The following CNTN3 variants were observed in gnomAD, a reference collection of about 807,000 sequenced individuals.
CNTN3 encodes contactin 3.
A neutral mutation model predicts 119.1 loss-of-function variants in CNTN3; 60 were observed. That is an observed-to-expected ratio of 0.50 (90% CI 0.41 to 0.62). The LOEUF (loss-of-function observed/expected upper bound fraction) is 0.62. CNTN3 is among the 20% of genes least tolerant of loss of function. The pLI is 0.00. For missense variants in CNTN3, 1,101 were observed against 1,242.4 expected, an observed-to-expected ratio of 0.89 and a Z score of 1.71; for synonymous variants, 450 against 438.7, an observed-to-expected ratio of 1.03 and a Z score of -0.32.
At chr3:74,542,306 T>A (rs1203479128) in intron 1 of CNTN3, among the ~76,000 whole-genome samples, 1 of 152,106 alleles carries the variant, frequency 6.6e-6, no homozygotes, top group South Asian at 2.1e-4. Context: ...ATAAATTTCA[T>A]CCTATAGAGA....
chr3:74,502,206 T>C (rs1703178404), intron 2 of CNTN3, among the ~76,000 whole-genome samples: 1 of 152,086 alleles, frequency 6.6e-6, no homozygotes, highest in South Asian at 2.1e-4. Context: ...GGTATAAATT[T>C]GGAAATAACA....
chr3:74,543,362 G>C (rs1312150452), intron 1 of CNTN3, among the ~76,000 whole-genome samples: 1 of 152,116 alleles, frequency 6.6e-6, no homozygotes, highest in Admixed American at 6.6e-5. Context: ...GAGTGACCTG[G>C]TCAAGATAGG....
chr3:74,507,626 C>CTTTTTTTTTTTTTTTTTTTTTTT (rs59540461), intron 2 of CNTN3, among the ~76,000 whole-genome samples: 2 of 103,650 alleles, frequency 1.9e-5, no homozygotes, highest in African/African-American at 4.0e-5. Flanking sequence ...TTCTTTCTTT[C>CTTTTTTTTTTTTTTTTTTTTTTT]TTTTTTTTTT....
intron 20 of CNTN3, among the ~76,000 whole-genome samples, chr3:74,282,970 G>A (rs1330164408): frequency 6.6e-6 from 1 of 152,106 alleles, no homozygotes; most frequent in African/African-American, 2.4e-5. Flanking sequence ...ATGAACTCCA[G>A]TTGAATAATA....
At chr3:74,469,163 C>T (rs951959873) in intron 4 of CNTN3, among the ~76,000 whole-genome samples, 1 of 151,974 alleles carries the variant, frequency 6.6e-6, no homozygotes, top group Non-Finnish European at 1.5e-5. Flanking sequence ...TCCTTCTTTA[C>T]AAATAAAGAA....
chr3:74,305,837 A>G (rs530401201), intron 13 of CNTN3, among the ~76,000 whole-genome samples: 25 of 151,522 alleles, frequency 1.6e-4, no homozygotes, highest in Non-Finnish European at 3.2e-4. Flanking sequence ...TGACTTGTTC[A>G]TTTCTTGGTA....
At chr3:74,323,860 G>A (rs773164954) in intron 13 of CNTN3, among the ~76,000 whole-genome samples, 11 of 151,982 alleles carry the variant, frequency 7.2e-5, no homozygotes, top group South Asian at 2.1e-4. Flanking sequence ...CAACATCAGC[G>A]TCAGCCTCCC....
intron 1 of CNTN3, among the ~76,000 whole-genome samples, chr3:74,529,083 C>A (rs1189832312): frequency 4.6e-5 from 7 of 151,886 alleles, no homozygotes; most frequent in South Asian, 2.1e-4. Flanking sequence ...CAAAATAGTT[C>A]TTGAATGATA....
At chr3:74,446,775 C>A (rs1254747734) in intron 4 of CNTN3, among the ~76,000 whole-genome samples, 1 of 149,460 alleles carries the variant, frequency 6.7e-6, no homozygotes, top group African/African-American at 2.5e-5. Flanking sequence ...GACAGTGCTA[C>A]CCTAGAGTAT....
At chr3:74,486,702 T>G (rs1212038888) in intron 3 of CNTN3, 71 bp from the exon 4 acceptor site, 2 of 1,296,426 alleles carry the variant, frequency 1.5e-6, no homozygotes, top group African/African-American at 3.0e-5. Flanking sequence ...CATTATAAAA[T>G]CTACTTTAAA....
At chr3:74,413,769 C>G (rs1037490453) in intron 5 of CNTN3, among the ~76,000 whole-genome samples, 1 of 152,042 alleles carries the variant, frequency 6.6e-6, no homozygotes, top group African/African-American at 2.4e-5. Flanking sequence ...TACCTTTAAC[C>G]CTGGTACCAT....
intron 19 of CNTN3, among the ~76,000 whole-genome samples, chr3:74,292,903 T>C (rs1275074057): frequency 6.6e-6 from 1 of 152,234 alleles, no homozygotes; most frequent in Admixed American, 6.5e-5. Flanking sequence ...TCATCTTTCA[T>C]TGCTTTCATC....
intron 11 of CNTN3, among the ~76,000 whole-genome samples, chr3:74,345,680 G>A (rs1575741255): frequency 6.6e-6 from 1 of 152,042 alleles, no homozygotes; most frequent in Non-Finnish European, 1.5e-5. Flanking sequence ...CTCTCTGTGG[G>A]CATCCACTGG....
intron 20 of CNTN3, among the ~76,000 whole-genome samples, chr3:74,282,910 C>T (rs1010615352): frequency 2.0e-5 from 3 of 152,086 alleles, no homozygotes; most frequent in African/African-American, 4.8e-5. Flanking sequence ...TCCCACCCAA[C>T]GTAGGAAATT....
intron 1 of CNTN3, among the ~76,000 whole-genome samples, chr3:74,592,779 TAAACA>T (rs1328442672): frequency 6.6e-6 from 1 of 151,998 alleles, no homozygotes; most frequent in Non-Finnish European, 1.5e-5. Context: ...TTAAAAACCT[TAAACA>T]AAACTTTACA....
chr3:74,481,390 T>C (rs1426023653), intron 4 of CNTN3, among the ~76,000 whole-genome samples: 2 of 151,876 alleles, frequency 1.3e-5, no homozygotes, highest in African/African-American at 2.4e-5. Context: ...CAAGAATTAA[T>C]ATCTTACAGT....
At chr3:74,365,156 G>A (rs922267008) in intron 9 of CNTN3, among the ~76,000 whole-genome samples, 3 of 151,922 alleles carry the variant, frequency 2.0e-5, no homozygotes, top group African/African-American at 7.3e-5. Flanking sequence ...GGAGAGTGAT[G>A]GAGAAAATAA....
intron 13 of CNTN3, among the ~76,000 whole-genome samples, chr3:74,305,038 C>T (rs1032225959): frequency 2.6e-5 from 4 of 152,142 alleles, no homozygotes; most frequent in East Asian, 1.9e-4. Context: ...TTAACAAAAG[C>T]GCATCCATTG....
At chr3:74,372,686 C>T (rs1230649941) in intron 5 of CNTN3, among the ~76,000 whole-genome samples, 5 of 151,798 alleles carry the variant, frequency 3.3e-5, no homozygotes, top group Non-Finnish European at 7.4e-5. Context: ...TGGTGAAGGT[C>T]TTTCTTTTTG....
Sources: gnomAD v4.1 joint callset for allele counts (sites outside exome capture counted in the v4.1 genomes callset) on GRCh38, gnomAD v4.1.1 for gene constraint, MANE v1.5 for transcripts, NCBI Gene and HGNC (gene_info 2026-07-23, HGNC 2026-07-21) for gene names.